The following ATP10B variants were observed in gnomAD, a reference collection of about 807,000 sequenced individuals.
ATP10B encodes the protein phospholipid-transporting ATPase VB.
ATP10B carries 122 observed loss-of-function variants against 141.2 expected under a neutral mutation model. The ratio of observed to expected loss-of-function variants is 0.86; its 90% CI spans 0.75 to 1.00. The LOEUF is 1.00. Among genes scored for constraint, ATP10B ranks in the 50% least tolerant of loss-of-function variants. The pLI, the probability that ATP10B is intolerant of heterozygous loss-of-function variation, is 0.00. For missense variants in ATP10B, 1,876 were observed against 1,825.3 expected (o/e 1.03, Z -0.51); for synonymous variants, 685 against 692.0 (o/e 0.99, Z 0.16).
the ATP10B span, among the ~76,000 whole-genome samples, chr5:160,921,034 AC>A: frequency 3.3e-5 from 5 of 152,222 alleles, no homozygotes; most frequent in Non-Finnish European, 7.3e-5. Flanking sequence ...TAAGCAGTGA[AC>A]AAAGACACGA....
chr5:160,876,702 T>C, the ATP10B span, among the ~76,000 whole-genome samples: 1 of 151,770 alleles, frequency 6.6e-6, no homozygotes. Flanking sequence ...ATAAAGGGGA[T>C]ATCACCACCA....
intron 7 of ATP10B, among the ~76,000 whole-genome samples, chr5:160,663,412 G>C (rs1762080189): frequency 6.6e-6 from 1 of 152,056 alleles, no homozygotes; most frequent in Non-Finnish European, 1.5e-5. Context: ...ATGATAGACT[G>C]GATTAAGAAA....
intron 2 of ATP10B, among the ~76,000 whole-genome samples, chr5:160,733,580 CAT>C (rs1026594732): frequency 4.3e-4 from 65 of 151,884 alleles, no homozygotes; most frequent in African/African-American, 1.4e-3. Flanking sequence ...ATATATGTCA[CAT>C]ATGTTACATA....
At position 160,812,020 on chromosome 5, in the gene ATP10B, C is replaced by CACACAGAGAGAGAG; in HGVS notation, c.-575-26218_-575-26217insCTCTCTCTCTGTGT. 3.6e-5 allele frequency among the ~76,000 whole-genome samples: 4 copies of CACACAGAGAGAGAG among 111,528 alleles called. 1 individual carries two copies. Among genetic ancestry groups the CACACAGAGAGAGAG allele is most frequent in the East Asian group, 6.7e-4 (2 of 3,006 alleles). 73.2% of individuals were successfully genotyped at this position (111,528 alleles called of 152,430 possible). ...AGAGAGACAGAGACAGAGACAGAGACAGAGAGAGAGAGAGAGAGAGAGAGA... is the reference window on the plus strand; with the variant it reads ...AGAGAGACAGAGACAGAGACAGAGACACACAGAGAGAGAGAGAGAGAGAGAGAGAGAGAGAGAGA... On this transcript the variant is annotated intron_variant, in intron 1 of 25. Transcript: ENST00000327245.
At chr5:160,794,946 A>C (rs1344375006) in intron 1 of ATP10B, among the ~76,000 whole-genome samples, 1 of 152,198 alleles carries the variant, frequency 6.6e-6, no homozygotes, top group Non-Finnish European at 1.5e-5. Flanking sequence ...CAAATGCAAG[A>C]AATGCATTTG....
At chr5:160,671,968 C>T (rs1161180746) in intron 6 of ATP10B, among the ~76,000 whole-genome samples, 1 of 73,420 alleles carries the variant, frequency 1.4e-5, no homozygotes, top group Non-Finnish European at 2.8e-5. Context: ...GGCAATGCAT[C>T]CTTTTTTTTT....
chr5:160,710,220 C>T, intron 3 of ATP10B, among the ~76,000 whole-genome samples: 2 of 20,990 alleles, frequency 9.5e-5, no homozygotes, highest in African/African-American at 3.8e-4. Flanking sequence ...AGTTTACAGT[C>T]CCACCAACAG....
At chr5:160,570,722 T>C (rs1235479051) in intron 24 of ATP10B, among the ~76,000 whole-genome samples, 1 of 152,198 alleles carries the variant, frequency 6.6e-6, no homozygotes, top group African/African-American at 2.4e-5. Flanking sequence ...CACGCCTCCA[T>C]TCCTTGGACC....
chr5:160,848,889 G>T (rs190365472), intron 1 of ATP10B, among the ~76,000 whole-genome samples: 69 of 152,206 alleles, frequency 4.5e-4, no homozygotes, highest in African/African-American at 1.6e-3. Context: ...TTCTATCATG[G>T]TACCTGTTCT....
intron 1 of ATP10B, among the ~76,000 whole-genome samples, chr5:160,825,498 T>G (rs1774525257): frequency 6.6e-6 from 1 of 152,202 alleles, no homozygotes; most frequent in East Asian, 1.9e-4. Context: ...CTCCCCAGCA[T>G]GTGGAACTGT....
At chr5:160,632,620 GTT>G (rs34556097) in intron 12 of ATP10B, 83,567 of 128,580 alleles carry the variant, frequency 0.65, 25,243 homozygotes, top group East Asian at 0.69. Context: ...TTCCTCAGAG[GTT>G]TTTTTTTTTT....
At chr5:160,620,977 T>C (rs2127649238) in intron 14 of ATP10B, 27 bp from the exon 15 acceptor site, 2 of 1,582,312 alleles carry the variant, frequency 1.3e-6, no homozygotes, top group Non-Finnish European at 1.7e-6. Flanking sequence ...GAAAGTGGAA[T>C]ATTACTCTCA....
chr5:160,608,173 T>C (rs1179758625), intron 18 of ATP10B, among the ~76,000 whole-genome samples: 1 of 151,694 alleles, frequency 6.6e-6, no homozygotes, highest in South Asian at 2.1e-4. Flanking sequence ...AGTGAGAACA[T>C]GTGATGTTTG....
intron 2 of ATP10B, among the ~76,000 whole-genome samples, chr5:160,735,701 T>C (rs1767068285): frequency 6.6e-6 from 1 of 152,132 alleles, no homozygotes; most frequent in African/African-American, 2.4e-5. Context: ...TACATTAGTT[T>C]CCTTAGCACA....
At position 160,597,204 on chromosome 5, in the gene ATP10B, T is replaced by C. The variant is rs181688291; in HGVS notation, c.3564+1566A>G. ...ACTGGTACCAAAACAGAGATATAGA[T>C]CAATGGAACAGAACAAAGCCCTCAG... On this transcript the variant is annotated intron_variant, in intron 22 of 25. Coordinates refer to ENST00000327245, the MANE Select transcript of ATP10B (RefSeq NM_025153.3). Among the ~76,000 whole-genome samples the C allele has an allele frequency of 5.2e-4, 79 of 152,068 alleles. No individual in the cohort carries two copies. In the East Asian group the frequency reaches 0.014, roughly 27 times the overall value.
chr5:160,599,710 ATGT>A (rs1308232568), intron 21 of ATP10B, among the ~76,000 whole-genome samples: 1 of 152,128 alleles, frequency 6.6e-6, no homozygotes, highest in Non-Finnish European at 1.5e-5. Flanking sequence ...ATCTGCCTAA[ATGT>A]TGTTCATTTT....
At chr5:160,915,175 A>G in the ATP10B span, among the ~76,000 whole-genome samples, 1 of 152,194 alleles carries the variant, frequency 6.6e-6, no homozygotes, top group Non-Finnish European at 1.5e-5. Context: ...AAAGTTTTTC[A>G]AAAATATGAT....
intron 8 of ATP10B, 122 bp downstream of exon 8, chr5:160,649,049 C>G (rs1419403203): frequency 3.7e-6 from 2 of 533,570 alleles, no homozygotes; most frequent in Non-Finnish European, 6.3e-6. Context: ...CCCTCTTTAT[C>G]ACACACACAC....
chr5:160,620,459 A>T lies in ATP10B; in HGVS notation c.2304T>A (p.Ser768=). 1 of 1,614,222 alleles carries T rather than the reference A, an allele frequency of 6.2e-7. No individual in the cohort carries two copies. Among genetic ancestry groups the T allele is most frequent in the Non-Finnish European group, 8.5e-7 (1 of 1,180,030 alleles). Reference sequence around the variant, plus strand: ...CAACCACAGACATTCTCTTCCTGACAGAGTCAAAGCCCAGGGTGCAGAGGA... The same window carrying T: ...CAACCACAGACATTCTCTTCCTGACTGAGTCAAAGCCCAGGGTGCAGAGGA... ...FSLLCTLGFD[S]VRKRMSVVVR... Residue 768 remains serine (S), a synonymous_variant, in exon 15 of 26, where the codon TCT becomes TCA. Coordinates refer to ENST00000327245, the MANE Select transcript of ATP10B (RefSeq NM_025153.3).
Sources: allele counts gnomAD v4.1 joint callset (sites outside exome capture counted in the v4.1 genomes callset), GRCh38; gene constraint gnomAD v4.1.1; transcripts MANE v1.5; gene names NCBI Gene and HGNC (gene_info 2026-07-23, HGNC 2026-07-21).